Variants in FAM135B observed in about 807,000 individuals in gnomAD.
FAM135B encodes family with sequence similarity 135 member B, also known as protein FAM135B.
In FAM135B, 43 loss-of-function variants were observed where a neutral mutation model predicts 127.7. The ratio of observed to expected loss-of-function variants is 0.34; its 90% confidence interval spans 0.26 to 0.43. The LOEUF (loss-of-function observed/expected upper bound fraction) is 0.43. Among genes scored for constraint, FAM135B ranks in the 20% least tolerant of loss-of-function variants. The probability of loss-of-function intolerance (pLI) is 1.00; values close to 1 mark genes in which losing one functional copy is unlikely to be tolerated. For synonymous variants in FAM135B, 670 were observed against 665.1 expected, an observed-to-expected ratio of 1.01 and a Z score of -0.11; for missense variants, 1,558 against 1,725.6, an observed-to-expected ratio of 0.90 and a Z score of 1.72.
intron 1 of FAM135B, among the ~76,000 whole-genome samples, chr8:138,380,615 G>T (rs745742723): frequency 3.9e-5 from 6 of 151,904 alleles, no homozygotes; most frequent in Non-Finnish European, 8.8e-5. Context: ...GGAGTGGTTT[G>T]CCCATAATCA....
At chr8:138,478,770 C>T (rs1247194577) in intron 1 of FAM135B, among the ~76,000 whole-genome samples, 1 of 152,200 alleles carries the variant, frequency 6.6e-6, no homozygotes, top group East Asian at 1.9e-4. Context: ...CATGAAAAGA[C>T]ATTTCCCATA....
At chr8:138,320,534 T>C (rs1167073279) in intron 2 of FAM135B, among the ~76,000 whole-genome samples, 1 of 152,238 alleles carries the variant, frequency 6.6e-6, no homozygotes, top group African/African-American at 2.4e-5. Context: ...ATGTATTTCA[T>C]TGTTTTCTCA....
At chr8:138,216,262 T>C (rs1818537707) in intron 7 of FAM135B, among the ~76,000 whole-genome samples, 2 of 152,242 alleles carry the variant, frequency 1.3e-5, no homozygotes, top group African/African-American at 4.8e-5. Context: ...CTTAGAACCG[T>C]TGGAGGATAG....
At chr8:138,213,286 T>C (rs796636765) in intron 7 of FAM135B, among the ~76,000 whole-genome samples, 16 of 152,284 alleles carry the variant, frequency 1.1e-4, no homozygotes, top group African/African-American at 3.6e-4. Context: ...AAGTGCACCG[T>C]ACGATCACTA....
At chr8:138,424,449 A>G (rs1190763399) in intron 1 of FAM135B, among the ~76,000 whole-genome samples, 5 of 152,080 alleles carry the variant, frequency 3.3e-5, no homozygotes, top group African/African-American at 1.2e-4. Flanking sequence ...TATCTTCAAT[A>G]CCTTCTTAGA....
intron 11 of FAM135B, among the ~76,000 whole-genome samples, chr8:138,175,530 C>T (rs537119249): frequency 1.3e-5 from 2 of 152,344 alleles, no homozygotes; most frequent in South Asian, 4.1e-4. Flanking sequence ...CCCATTCACG[C>T]TGGTTTGCAA....
At chr8:138,312,653 C>T (rs1019834181) in intron 2 of FAM135B, among the ~76,000 whole-genome samples, 2 of 151,810 alleles carry the variant, frequency 1.3e-5, no homozygotes, top group African/African-American at 4.8e-5. Flanking sequence ...ACAGAAAACA[C>T]TGTGGGCCCA....
intron 2 of FAM135B, among the ~76,000 whole-genome samples, chr8:138,315,809 A>G (rs1366748647): frequency 6.6e-6 from 1 of 152,222 alleles, no homozygotes; most frequent in African/African-American, 2.4e-5. Flanking sequence ...TAAAAAAGGA[A>G]GTCAAACACG....
At position 138,178,476 on chromosome 8, in the gene FAM135B, G is replaced by C. The variant is rs531239764; in HGVS notation, c.1029+59C>G. 10 of 1,587,656 alleles carry C rather than the reference G, an allele frequency of 6.3e-6. No individual in the cohort carries two copies. In the Admixed American group the frequency reaches 6.7e-5, roughly 11 times the overall value. ...AATGCTTGATCTAATTCTCATAAAGGTTCCTCCAAAGAAATCAAATGCATG... is the reference window on the plus strand; with the variant it reads ...AATGCTTGATCTAATTCTCATAAAGCTTCCTCCAAAGAAATCAAATGCATG... On this transcript the variant is annotated intron_variant, in intron 10 of 19. Coordinates refer to ENST00000395297, the MANE Select transcript of FAM135B (RefSeq NM_015912.4).
At chr8:138,202,760 T>C (rs1817245026) in intron 7 of FAM135B, among the ~76,000 whole-genome samples, 1 of 145,912 alleles carries the variant, frequency 6.9e-6, no homozygotes, top group Admixed American at 7.0e-5. Flanking sequence ...AGAGGAACTT[T>C]TGCTTACACG....
At chr8:138,283,480 G>T (rs1004129242) in intron 3 of FAM135B, among the ~76,000 whole-genome samples, 7 of 151,884 alleles carry the variant, frequency 4.6e-5, no homozygotes, top group Non-Finnish European at 1.0e-4. Flanking sequence ...AATAGGCAAA[G>T]CTCAGAGGAT....
At chr8:138,414,144 A>ATATAT (rs1425910329) in intron 1 of FAM135B, among the ~76,000 whole-genome samples, 19 of 148,478 alleles carry the variant, frequency 1.3e-4, no homozygotes, top group African/African-American at 1.5e-4. Context: ...ATATATGCAC[A>ATATAT]AAAAATATAT....
At chr8:138,416,024 G>A (rs1169595146) in intron 1 of FAM135B, among the ~76,000 whole-genome samples, 1 of 152,006 alleles carries the variant, frequency 6.6e-6, no homozygotes, top group African/African-American at 2.4e-5. Context: ...CCTTCCCTTG[G>A]AGCATTCATG....
chr8:138,230,237 C>G (rs912722441), intron 7 of FAM135B, among the ~76,000 whole-genome samples: 11 of 152,146 alleles, frequency 7.2e-5, no homozygotes, highest in Admixed American at 5.9e-4. Flanking sequence ...TTTTCCACAC[C>G]TAGAGTAACC....
At chr8:138,210,392 G>A (rs554791803) in intron 7 of FAM135B, among the ~76,000 whole-genome samples, 5 of 152,136 alleles carry the variant, frequency 3.3e-5, no homozygotes, top group South Asian at 2.1e-4. Flanking sequence ...GTATTAGTTC[G>A]TTCTTGCATT....
intron 2 of FAM135B, among the ~76,000 whole-genome samples, chr8:138,343,036 C>T (rs372216371): frequency 2.0e-5 from 3 of 152,340 alleles, no homozygotes; most frequent in African/African-American, 7.2e-5. Flanking sequence ...TAGAAGTACA[C>T]TGATTCTTAA....
At chr8:138,266,213 G>T (rs1822910816) in intron 3 of FAM135B, among the ~76,000 whole-genome samples, 1 of 152,070 alleles carries the variant, frequency 6.6e-6, no homozygotes, top group Admixed American at 6.6e-5. Flanking sequence ...GAAGAACGGG[G>T]AGTAAAAGAC....
At chr8:138,182,571 C>T (rs1490042337) in intron 9 of FAM135B, among the ~76,000 whole-genome samples, 2 of 152,316 alleles carry the variant, frequency 1.3e-5, no homozygotes, top group South Asian at 4.1e-4. Context: ...TAAATGCATA[C>T]AGTCCAGGAA....
rs529570282 is a variant in FAM135B at position 138,336,521 on chromosome 8, T to C, written c.78-25601A>G. 8.7e-3 allele frequency among the ~76,000 whole-genome samples: 1,332 copies of C among 152,240 alleles called. 24 individuals are homozygous for C. Among genetic ancestry groups the C allele is most frequent in the African/African-American group, 0.031 (1,279 of 41,532 alleles). Reference sequence around the variant, plus strand: ...AGAAAATCTAGAAGAAATGGATACATTCCTCGACACATACACCCTCCCAAG... The same window carrying C: ...AGAAAATCTAGAAGAAATGGATACACTCCTCGACACATACACCCTCCCAAG... On this transcript the variant is annotated intron_variant, in intron 2 of 19. Coordinates refer to ENST00000395297, the MANE Select transcript of FAM135B (RefSeq NM_015912.4).
Sources: gnomAD v4.1 joint callset for allele counts (sites outside exome capture counted in the v4.1 genomes callset) on GRCh38, gnomAD v4.1.1 for gene constraint, MANE v1.5 for transcripts, NCBI Gene and HGNC (gene_info 2026-07-23, HGNC 2026-07-21) for gene names.